The following ST7 variants were observed in gnomAD, a reference collection of about 807,000 sequenced individuals.
ST7 encodes the protein suppression of tumorigenicity 7.
In ST7, 28 loss-of-function variants were observed where a neutral mutation model predicts 78.7. The ratio of observed to expected loss-of-function variants is 0.36; its 90% CI spans 0.26 to 0.49. ST7 has a LOEUF of 0.49. Ranked by LOEUF, ST7 falls within the 20% of genes least tolerant of loss-of-function variation. The pLI, the probability that ST7 is intolerant of heterozygous loss-of-function variation, is 0.99. For missense variants in ST7, 418 were observed against 696.0 expected (o/e 0.60, Z 4.49); for synonymous variants, 247 against 249.6 (o/e 0.99, Z 0.10).
chr7:117,214,910 TTG>T (rs147915016), intron 13 of ST7, among the ~76,000 whole-genome samples: 8,882 of 143,006 alleles, frequency 0.062, 259 homozygotes, highest in South Asian at 0.086. Context: ...GGAAGAACAT[TTG>T]TGTGTGTGTG....
intron 3 of ST7, among the ~76,000 whole-genome samples, chr7:117,123,514 G>T (rs1168351737): frequency 1.3e-5 from 2 of 152,140 alleles, no homozygotes; most frequent in East Asian, 3.9e-4. Context: ...ACTTCAGATT[G>T]TTTGGCTGAA....
chr7:117,179,911 T>G (rs1158367770), intron 10 of ST7, among the ~76,000 whole-genome samples: 1 of 152,154 alleles, frequency 6.6e-6, no homozygotes, highest in Non-Finnish European at 1.5e-5. Flanking sequence ...GGAGTGCCAC[T>G]GCAGTGGGCT....
intron 1 of ST7, among the ~76,000 whole-genome samples, chr7:117,082,260 T>A (rs1799841203): frequency 6.6e-6 from 1 of 152,198 alleles, no homozygotes; most frequent in Non-Finnish European, 1.5e-5. Context: ...CCATCACACT[T>A]GATATCTGAA....
intron 1 of ST7, among the ~76,000 whole-genome samples, chr7:116,979,628 G>A (rs991838037): frequency 4.6e-5 from 7 of 152,022 alleles, no homozygotes; most frequent in Admixed American, 2.6e-4. Flanking sequence ...ATCTCTCTTT[G>A]CTTCCTACTT....
intron 15 of ST7, chr7:117,223,254 T>C (rs1584640732): frequency 2.3e-6 from 1 of 444,010 alleles, no homozygotes; most frequent in South Asian, 2.7e-5. Flanking sequence ...TTGCCTGAAC[T>C]CCTGCCATAG....
At chr7:116,983,140 T>A (rs1033720913) in intron 1 of ST7, among the ~76,000 whole-genome samples, 3 of 152,128 alleles carry the variant, frequency 2.0e-5, no homozygotes, top group African/African-American at 7.2e-5. Flanking sequence ...TCAGGTGATC[T>A]GCCCACCTTG....
intron 1 of ST7, among the ~76,000 whole-genome samples, chr7:117,035,222 CTGTT>C (rs1796823711): frequency 6.7e-6 from 1 of 149,060 alleles, no homozygotes; most frequent in Admixed American, 6.8e-5. Flanking sequence ...TGACTATAGT[CTGTT>C]TGTTTTTAAT....
At chr7:117,058,258 G>A (rs548033075) in intron 1 of ST7, among the ~76,000 whole-genome samples, 28 of 152,074 alleles carry the variant, frequency 1.8e-4, no homozygotes, top group African/African-American at 5.8e-4. Flanking sequence ...GCACAAGAGC[G>A]GTTATTTCCT....
chr7:117,219,861 G>T lies in ST7; in HGVS notation c.1498+685G>T, dbSNP rs193592. 0.58 allele frequency among the ~76,000 whole-genome samples: 88,149 copies of T among 152,090 alleles called. 27,577 individuals are homozygous for T. The highest frequency in any genetic ancestry group is 0.89 in the East Asian group (4,595 of 5,174). ...TACCACATGTGGAAAATATTATTTT[G>T]CTTTGCTGTAATACAACATTGTTTT... On this transcript the variant is annotated intron_variant, in intron 14 of 15. Coordinates refer to ENST00000323984, the MANE Select transcript of ST7 (RefSeq NM_001369598.1). This position sits in a 1 kb window ranked among gnomAD's most constrained non-coding sequence, Gnocchi z 5.1.
intron 1 of ST7, among the ~76,000 whole-genome samples, chr7:117,001,028 T>G (rs942259515): frequency 1.3e-5 from 2 of 152,216 alleles, no homozygotes; most frequent in African/African-American, 2.4e-5. Flanking sequence ...CACCAGACAA[T>G]TAGTAGAACA....
intron 12 of ST7, among the ~76,000 whole-genome samples, chr7:117,204,992 C>T (rs1201042547): frequency 1.3e-5 from 2 of 152,152 alleles, no homozygotes; most frequent in African/African-American, 4.8e-5. Context: ...CGCTTGAGCC[C>T]AGGAGTTCAA....
intron 1 of ST7, chr7:116,965,903 T>C (rs1793086905): frequency 4.9e-6 from 1 of 205,014 alleles, no homozygotes; most frequent in African/African-American, 2.3e-5. Flanking sequence ...AAATGATATT[T>C]ATAAGTGTAG....
chr7:117,217,939 C>T (rs1563177509), intron 13 of ST7, among the ~76,000 whole-genome samples: 1 of 152,136 alleles, frequency 6.6e-6, no homozygotes, highest in African/African-American at 2.4e-5. Flanking sequence ...TATTCAGACA[C>T]CAGAATAAAT....
intron 1 of ST7, among the ~76,000 whole-genome samples, chr7:117,036,193 T>C (rs1796888005): frequency 1.3e-5 from 2 of 152,222 alleles, no homozygotes; most frequent in Non-Finnish European, 2.9e-5. Context: ...CTGTGTTTTA[T>C]TGGAACTCTT....
intron 1 of ST7, among the ~76,000 whole-genome samples, chr7:117,087,954 G>A (rs193143829): frequency 8.1e-4 from 123 of 152,218 alleles, no homozygotes; most frequent in African/African-American, 2.8e-3. Flanking sequence ...CACATCTCTG[G>A]TTATGAATGG....
At chr7:116,971,292 T>A (rs1562985205) in intron 1 of ST7, among the ~76,000 whole-genome samples, 1 of 152,204 alleles carries the variant, frequency 6.6e-6, no homozygotes, top group East Asian at 1.9e-4. Flanking sequence ...GATGGCACTT[T>A]TAGAGACAGC....
intron 1 of ST7, among the ~76,000 whole-genome samples, chr7:117,007,320 A>G (rs1795197938): frequency 6.6e-6 from 1 of 152,214 alleles, no homozygotes; most frequent in Non-Finnish European, 1.5e-5. Flanking sequence ...TCTGATAGAA[A>G]ATCAAACCAG....
At chr7:117,163,389 C>T (rs551730246) in intron 9 of ST7, among the ~76,000 whole-genome samples, 2 of 152,144 alleles carry the variant, frequency 1.3e-5, no homozygotes, top group African/African-American at 4.8e-5. Flanking sequence ...AGTTTGCAGT[C>T]CTACCAAAAG....
intron 1 of ST7, among the ~76,000 whole-genome samples, chr7:116,969,326 C>A (rs1793299795): frequency 6.6e-6 from 1 of 152,060 alleles, no homozygotes; most frequent in South Asian, 2.1e-4. Flanking sequence ...TTTTGATAAC[C>A]TTAACAATTT....
Sources: gnomAD v4.1 joint callset for allele counts (sites outside exome capture counted in the v4.1 genomes callset) on GRCh38, gnomAD v4.1.1 for gene constraint, Gnocchi (gnomAD v3.1) non-coding constraint, MANE v1.5 for transcripts, NCBI Gene and HGNC (gene_info 2026-07-23, HGNC 2026-07-21) for gene names.